KIRREL3: variants seen among roughly 807,000 people sequenced by gnomAD.
The protein encoded by KIRREL3 is kin of IRRE-like protein 3.
A neutral mutation model predicts 89.7 loss-of-function variants in KIRREL3; 36 were observed. That is an observed-to-expected ratio of 0.40 (90% CI 0.31 to 0.53). The LOEUF is 0.53. KIRREL3 is among the 20% of genes least tolerant of loss of function. The pLI, the probability that KIRREL3 is intolerant of heterozygous loss-of-function variation, is 0.49. For synonymous variants in KIRREL3, 445 were observed against 441.4 expected, an observed-to-expected ratio of 1.01 and a Z score of -0.10; for missense variants, 864 against 1,056.6, an observed-to-expected ratio of 0.82 and a Z score of 2.53.
chr11:126,937,265 G>T (rs1948228126), intron 1 of KIRREL3: 1 of 152,184 alleles, frequency 6.6e-6, no homozygotes, highest in Admixed American at 6.5e-5. Context: ...TCTCAGTGTG[G>T]GTTAAAAGGC....
intron 4 of KIRREL3, among the ~76,000 whole-genome samples, chr11:126,493,654 CAAAAAAAAA>C (rs5795499): frequency 1.5e-3 from 127 of 82,218 alleles, no homozygotes; most frequent in Middle Eastern, 7.0e-3. Flanking sequence ...GACTCTGTCT[CAAAAAAAAA>C]AAAAAAAAAA....
At chr11:126,849,615 G>A (rs7111298) in intron 1 of KIRREL3, among the ~76,000 whole-genome samples, 128,661 of 152,130 alleles carry the variant, frequency 0.85, 54,592 homozygotes, top group East Asian at 1. Context: ...GAAATCAGCT[G>A]CAGAAGGAGA....
Position 126,553,041 on chromosome 11 carries a change from G to A in KIRREL3, c.133+9794C>T, listed in dbSNP as rs1402002640. Among the ~76,000 whole-genome samples, 3 of 152,164 alleles carry A rather than the reference G, an allele frequency of 2.0e-5. No individual in the cohort carries two copies. The highest frequency in any genetic ancestry group is 2.0e-4 in the Admixed American group (3 of 15,278). ...TAGTGGGGACACTAGTACCACTCATGGTGTGTGTGAGCACACTCGTGAAGG... is the reference window on the plus strand; with the variant it reads ...TAGTGGGGACACTAGTACCACTCATAGTGTGTGTGAGCACACTCGTGAAGG... On this transcript the variant is annotated intron_variant, in intron 2 of 16. Transcript: ENST00000525144. This position sits in a 1 kb window ranked among gnomAD's most constrained non-coding sequence, Gnocchi z 4.7.
At chr11:126,911,586 G>A (rs751392333) in intron 1 of KIRREL3, among the ~76,000 whole-genome samples, 1 of 152,138 alleles carries the variant, frequency 6.6e-6, no homozygotes, top group Non-Finnish European at 1.5e-5. Flanking sequence ...TCTGACCTGT[G>A]GACCACCCCT....
rs1949967025 is a variant in KIRREL3, at chr11:126,769,948, G to A, written c.56-207036C>T. Among the ~76,000 whole-genome samples, 1 of 152,156 alleles carries A rather than the reference G, an allele frequency of 6.6e-6. No individual in the cohort carries two copies. Among genetic ancestry groups the A allele is most frequent in the Admixed American group, 6.5e-5 (1 of 15,284 alleles). ...TTGGGCACATAGCTAGAGCTCTGTG[G>A]ATATTAGCTGTTGATTATAGTTGTT... is the stretch of plus-strand genomic sequence containing the variant. On this transcript the variant is annotated intron_variant, in intron 1 of 16. Coordinates refer to ENST00000525144, the MANE Select transcript of KIRREL3 (RefSeq NM_032531.4). The surrounding 1 kb of genome is among the most constrained non-coding windows in gnomAD (Gnocchi z 4.3).
At position 126,778,951 on chromosome 11, in the gene KIRREL3, G is replaced by A. The variant is rs1292731027; in HGVS notation, c.56-216039C>T. Among the ~76,000 whole-genome samples the A allele has an allele frequency of 6.6e-6, 1 of 152,192 alleles. No homozygotes were observed. Among genetic ancestry groups the A allele is most frequent in the Non-Finnish European group, 1.5e-5 (1 of 68,042 alleles). On this transcript the variant is annotated intron_variant, in intron 1 of 16. Transcript: ENST00000525144. The surrounding 1 kb of genome is among the most constrained non-coding windows in gnomAD (Gnocchi z 4.5). Reference sequence around the variant, plus strand: ...TGAACACACACACAAGGTAATACATGTAAGAGCACCTAGCGCGGAACTTGG... The same window carrying A: ...TGAACACACACACAAGGTAATACATATAAGAGCACCTAGCGCGGAACTTGG...
At position 126,531,888 on chromosome 11, in the gene KIRREL3, T is replaced by G. The variant is rs972107976; in HGVS notation, c.134-5201A>C. 3.9e-5 allele frequency among the ~76,000 whole-genome samples: 6 copies of G among 152,194 alleles called. No homozygotes were observed. The highest frequency in any genetic ancestry group is 8.8e-5 in the Non-Finnish European group (6 of 68,034). Reference sequence around the variant, plus strand: ...CACATGTGCCTTTGTACTTAGAGTTTGCCTGCTCTGGTTGGTCTGCTGAGA... The same window carrying G: ...CACATGTGCCTTTGTACTTAGAGTTGGCCTGCTCTGGTTGGTCTGCTGAGA... On this transcript the variant is annotated intron_variant, in intron 2 of 16. Coordinates refer to ENST00000525144, the MANE Select transcript of KIRREL3 (RefSeq NM_032531.4). The surrounding 1 kb of genome is among the most constrained non-coding windows in gnomAD (Gnocchi z 4.7).
chr11:126,821,738 C>G (rs1943233887), intron 1 of KIRREL3, among the ~76,000 whole-genome samples: 1 of 151,826 alleles, frequency 6.6e-6, no homozygotes, highest in Non-Finnish European at 1.5e-5. Context: ...CACAGGAGTC[C>G]TTATAAGTGG....
intron 1 of KIRREL3, among the ~76,000 whole-genome samples, chr11:126,581,066 G>C (rs1283548459): frequency 2.0e-5 from 3 of 152,120 alleles, no homozygotes; most frequent in Non-Finnish European, 2.9e-5. Context: ...AAAGAACATG[G>C]AGGCAGGACA....
rs1947093975 is a variant in KIRREL3, at chr11:126,917,625, A to C, written c.55+82830T>G. On this transcript the variant is annotated intron_variant, in intron 1 of 16. Coordinates refer to ENST00000525144, the MANE Select transcript of KIRREL3 (RefSeq NM_032531.4). This position sits in a 1 kb window ranked among gnomAD's most constrained non-coding sequence, Gnocchi z 5.0. ...GGAGTGAGTAATGATCACCTGGTGC[A>C]ATCTGGTTTCTAGTATGAGTTGCTT... Among the ~76,000 whole-genome samples, 2 of 152,190 alleles carry C rather than the reference A, an allele frequency of 1.3e-5. No individual in the cohort carries two copies. The highest frequency in any genetic ancestry group is 4.8e-5 in the African/African-American group (2 of 41,444).
intron 4 of KIRREL3, among the ~76,000 whole-genome samples, chr11:126,487,576 C>T (rs201002213): frequency 2.8e-4 from 43 of 152,284 alleles, no homozygotes; most frequent in Middle Eastern, 3.4e-3. Context: ...AATCCTTTTC[C>T]GACCTGAGCC....
intron 1 of KIRREL3, among the ~76,000 whole-genome samples, chr11:126,631,764 C>G (rs1183723686): frequency 6.6e-6 from 1 of 152,244 alleles, no homozygotes; most frequent in Non-Finnish European, 1.5e-5. Flanking sequence ...CTACAACAAT[C>G]TCACAAAAGG....
At chr11:126,631,008 C>T (rs1408537477) in intron 1 of KIRREL3, among the ~76,000 whole-genome samples, 1 of 152,204 alleles carries the variant, frequency 6.6e-6, no homozygotes, top group African/African-American at 2.4e-5. Context: ...CCATCCCTGC[C>T]TGGTGTTCCC....
At chr11:126,706,965 G>A (rs1565665526) in intron 1 of KIRREL3, among the ~76,000 whole-genome samples, 1 of 150,184 alleles carries the variant, frequency 6.7e-6, no homozygotes, top group African/African-American at 2.5e-5. Context: ...TTAAGAGATG[G>A]GGTCTCACTG....
rs1469064494 is a variant in KIRREL3, at chr11:126,612,207, T to C, written c.56-49295A>G. The stretch of plus-strand genomic sequence containing the variant: ...CATATAATAAGTGCTCCCTCAGAAT[T>C]TGAGTATTATATGGACACCCTTGGC... On this transcript the variant is annotated intron_variant, in intron 1 of 16. Coordinates refer to ENST00000525144, the MANE Select transcript of KIRREL3 (RefSeq NM_032531.4). The surrounding 1 kb of genome is among the most constrained non-coding windows in gnomAD (Gnocchi z 4.5). Among the ~76,000 whole-genome samples, 2 of 152,164 alleles carry C rather than the reference T, an allele frequency of 1.3e-5. No homozygotes were observed. Among genetic ancestry groups the C allele is most frequent in the African/African-American group, 2.4e-5 (1 of 41,446 alleles).
chr11:126,535,348 C>A lies in KIRREL3; in HGVS notation c.134-8661G>T, dbSNP rs11602845. Among the ~76,000 whole-genome samples the A allele has an allele frequency of 0.19, 29,237 of 152,144 alleles. 3,034 individuals are homozygous for A. The highest frequency in any genetic ancestry group is 0.24 in the Middle Eastern group (72 of 294). On this transcript the variant is annotated intron_variant, in intron 2 of 16. Transcript: ENST00000525144. This position sits in a 1 kb window ranked among gnomAD's most constrained non-coding sequence, Gnocchi z 4.5. ...CACATTATCACGGAATGAACCATCA[C>A]CATCTGGCTCCCAAAGTCCCCACCA... is the stretch of plus-strand genomic sequence containing the variant.
intron 1 of KIRREL3, among the ~76,000 whole-genome samples, chr11:126,901,951 C>T (rs1289368080): frequency 1.3e-5 from 2 of 152,180 alleles, no homozygotes; most frequent in African/African-American, 4.8e-5. Flanking sequence ...TTCGGGCACA[C>T]CCCAACTGCA....
intron 6 of KIRREL3, among the ~76,000 whole-genome samples, chr11:126,461,203 C>T (rs2134247854): frequency 6.6e-6 from 1 of 152,386 alleles, no homozygotes; most frequent in Admixed American, 6.5e-5. Flanking sequence ...GTCGTGGATG[C>T]TGGACTGCAT....
rs969576380 is a variant in KIRREL3 at position 126,720,848 on chromosome 11, G to A, written c.56-157936C>T. Among the ~76,000 whole-genome samples, 4 of 152,296 alleles carry A rather than the reference G, an allele frequency of 2.6e-5. No individual in the cohort carries two copies. In the East Asian group the frequency reaches 7.7e-4, roughly 29 times the overall value. ...GGGAGAAGGTGGGAGAAGATAGCGA[G>A]GGGACCTGGAGGAGAGGAGTGTCCA... On this transcript the variant is annotated intron_variant, in intron 1 of 16. Transcript: ENST00000525144.
Sources: gnomAD v4.1 joint callset for allele counts (sites outside exome capture counted in the v4.1 genomes callset) on GRCh38, gnomAD v4.1.1 for gene constraint, Gnocchi (gnomAD v3.1) non-coding constraint, MANE v1.5 for transcripts, NCBI Gene and HGNC (gene_info 2026-07-23, HGNC 2026-07-21) for gene names.